UTRN: variants seen among roughly 807,000 people sequenced by gnomAD.
The protein encoded by UTRN is utrophin.
In UTRN, 283 loss-of-function variants were observed where a neutral mutation model predicts 463.9. The ratio of observed to expected loss-of-function variants is 0.61; its 90% CI spans 0.55 to 0.67. The LOEUF is 0.67. Among genes scored for constraint, UTRN ranks in the 30% least tolerant of loss-of-function variants. The pLI is 0.00. For missense variants in UTRN, 3,922 were observed against 4,084.3 expected, an observed-to-expected ratio of 0.96 and a Z score of 1.08; for synonymous variants, 1,442 against 1,431.5, an observed-to-expected ratio of 1.01 and a Z score of -0.17.
At position 144,556,446 on chromosome 6, in the gene UTRN, C is replaced by T. The variant is rs571066543; in HGVS notation, c.7135-711C>T. Among the ~76,000 whole-genome samples, 3 of 152,300 alleles carry T rather than the reference C, an allele frequency of 2.0e-5. No homozygotes were observed. The East Asian group carries it at 5.8e-4, about 29-fold the overall frequency. On this transcript the variant is annotated intron_variant, in intron 49 of 74. Coordinates refer to ENST00000367545, the MANE Select transcript of UTRN (RefSeq NM_007124.3). ...CAGTGTTTCAGTTATCATATTAGAA[C>T]ATTATTTTTTAATCAGCAGTGTGAT...
chr6:144,826,003 G>C (rs79571816), intron 66 of UTRN, among the ~76,000 whole-genome samples: 5,146 of 120,450 alleles, frequency 0.043, 98 homozygotes, highest in South Asian at 0.089. Flanking sequence ...GTTGTGGGGT[G>C]GGGGGAGGGG....
At chr6:144,831,520 A>G (rs990308143) in intron 69 of UTRN, among the ~76,000 whole-genome samples, 3 of 152,216 alleles carry the variant, frequency 2.0e-5, no homozygotes, top group African/African-American at 7.2e-5. Context: ...GTCCTATTTT[A>G]TAAACAAGGA....
intron 65 of UTRN, among the ~76,000 whole-genome samples, chr6:144,819,643 A>C (rs1217495771): frequency 6.6e-6 from 1 of 152,144 alleles, no homozygotes; most frequent in Non-Finnish European, 1.5e-5. Context: ...CAGTGAGCTG[A>C]GATCGTGCCA....
intron 25 of UTRN, among the ~76,000 whole-genome samples, 188 bp downstream of exon 25, chr6:144,474,947 C>T (rs72999714): frequency 0.031 from 4,783 of 152,250 alleles, 95 homozygotes; most frequent in Non-Finnish European, 0.046. Flanking sequence ...TGCTGATTGT[C>T]CAGTTTGGCT....
intron 50 of UTRN, among the ~76,000 whole-genome samples, chr6:144,561,205 T>TTATA (rs1162903466): frequency 2.2e-4 from 13 of 60,188 alleles, no homozygotes; most frequent in Non-Finnish European, 3.5e-4. Context: ...AAAAATAACA[T>TTATA]TATATATATA....
chr6:144,577,830 A>AGGAATCTTATGAAATACGTC (rs1801586292), intron 51 of UTRN, among the ~76,000 whole-genome samples: 1 of 152,236 alleles, frequency 6.6e-6, no homozygotes, highest in Non-Finnish European at 1.5e-5. Context: ...AAACATTATA[A>AGGAATCTTATGAAATACGTC]GGAATCTTAT....
chr6:144,406,904 G>T (rs1405752140), intron 3 of UTRN, among the ~76,000 whole-genome samples: 1 of 151,600 alleles, frequency 6.6e-6, no homozygotes, highest in African/African-American at 2.4e-5. Context: ...CTTTCCTCTC[G>T]CTCCCTCATT....
chr6:144,530,353 C>G (rs1274498574), intron 41 of UTRN, among the ~76,000 whole-genome samples: 2 of 152,134 alleles, frequency 1.3e-5, no homozygotes, highest in African/African-American at 4.8e-5. Flanking sequence ...GACTAGAGCC[C>G]CACACTTATG....
intron 51 of UTRN, among the ~76,000 whole-genome samples, chr6:144,648,308 C>T (rs552532775): frequency 6.6e-6 from 1 of 152,270 alleles, no homozygotes; most frequent in East Asian, 1.9e-4. Flanking sequence ...CCCTAATATC[C>T]ATTTCTTGTT....
chr6:144,436,254 G>A, intron 10 of UTRN, 116 bp downstream of exon 10: 1 of 1,075,120 alleles, frequency 9.3e-7, no homozygotes, highest in Non-Finnish European at 1.3e-6. Flanking sequence ...AAGGTCAATG[G>A]TTTATTTCAG....
chr6:144,736,938 C>T (rs1304224352), intron 54 of UTRN, among the ~76,000 whole-genome samples: 1 of 152,282 alleles, frequency 6.6e-6, no homozygotes, highest in South Asian at 2.1e-4. Flanking sequence ...CATTTGCCCA[C>T]GCAGCTGCTG....
At chr6:144,294,004 T>C (rs2473132) in intron 2 of UTRN, among the ~76,000 whole-genome samples, 1 of 151,936 alleles carries the variant, frequency 6.6e-6, no homozygotes, top group Non-Finnish European at 1.5e-5. Context: ...TTTTTAAAAA[T>C]TTAGTGAAGT....
intron 59 of UTRN, 34 bp downstream of exon 59, chr6:144,772,002 A>C: frequency 9.9e-7 from 1 of 1,011,798 alleles, no homozygotes; most frequent in Non-Finnish European, 1.4e-6. Context: ...ATTAACCTAA[A>C]CAACTGAGAA....
intron 17 of UTRN, among the ~76,000 whole-genome samples, chr6:144,450,775 T>TA (rs1290769162): frequency 6.6e-6 from 1 of 152,246 alleles, no homozygotes; most frequent in Non-Finnish European, 1.5e-5. Flanking sequence ...TAAGCATTTA[T>TA]AAAAATACAA....
chr6:144,755,891 C>G (rs1791936353), intron 57 of UTRN, among the ~76,000 whole-genome samples: 2 of 152,080 alleles, frequency 1.3e-5, no homozygotes, highest in Middle Eastern at 3.4e-3. Context: ...AAAGGTTGGG[C>G]TTTTCTTTTA....
intron 69 of UTRN, among the ~76,000 whole-genome samples, chr6:144,832,532 TTAA>T (rs1484205958): frequency 6.6e-6 from 1 of 152,166 alleles, no homozygotes; most frequent in African/African-American, 2.4e-5. Context: ...TTACTTGGTA[TTAA>T]TATTAAGCAC....
At chr6:144,591,345 G>A (rs1349508726) in intron 51 of UTRN, among the ~76,000 whole-genome samples, 3 of 152,122 alleles carry the variant, frequency 2.0e-5, no homozygotes, top group Non-Finnish European at 2.9e-5. Flanking sequence ...TTTTCTCTGA[G>A]TCTCAGCTTG....
At chr6:144,793,712 C>G (rs1776961117) in intron 62 of UTRN, 122 bp from the exon 63 acceptor site, 8 of 1,200,086 alleles carry the variant, frequency 6.7e-6, no homozygotes, top group Non-Finnish European at 9.3e-6. Context: ...GACAACGAAT[C>G]AGATTCATGT....
intron 69 of UTRN, among the ~76,000 whole-genome samples, chr6:144,831,641 G>A (rs1780681923): frequency 6.6e-6 from 1 of 152,188 alleles, no homozygotes; most frequent in African/African-American, 2.4e-5. Flanking sequence ...GGAAATTGAT[G>A]TTACGAATAC....
Sources: allele counts gnomAD v4.1 joint callset (sites outside exome capture counted in the v4.1 genomes callset), GRCh38; gene constraint gnomAD v4.1.1; transcripts MANE v1.5; gene names NCBI Gene and HGNC (gene_info 2026-07-23, HGNC 2026-07-21).